The following CTNNA3 variants were observed in gnomAD, a reference collection of about 807,000 sequenced individuals.
The protein encoded by CTNNA3 is catenin alpha-3.
In CTNNA3, 76 loss-of-function variants were observed where a neutral mutation model predicts 95.7. That is an observed-to-expected ratio of 0.79 (90% CI 0.66 to 0.96). The LOEUF is 0.96. CTNNA3 is among the 40% of genes least tolerant of loss of function. CTNNA3 has a pLI of 0.00. For missense variants in CTNNA3, 1,191 were observed against 1,089.8 expected, an observed-to-expected ratio of 1.09 and a Z score of -1.31; for synonymous variants, 431 against 374.4, an observed-to-expected ratio of 1.15 and a Z score of -1.74.
chr10:66,436,082 G>A (rs573982333), intron 11 of CTNNA3, among the ~76,000 whole-genome samples: 1 of 152,208 alleles, frequency 6.6e-6, no homozygotes, highest in South Asian at 2.1e-4. Context: ...GCTGAGGAGT[G>A]TTTTACTTTC....
At chr10:66,170,071 G>A (rs1160812056) in intron 13 of CTNNA3, among the ~76,000 whole-genome samples, 1 of 151,834 alleles carries the variant, frequency 6.6e-6, no homozygotes, top group Non-Finnish European at 1.5e-5. Context: ...TTGTATTTGG[G>A]TTCTTGGTCA....
At chr10:67,727,870 T>G (rs1841248998) in intron 1 of CTNNA3, among the ~76,000 whole-genome samples, 1 of 131,684 alleles carries the variant, frequency 7.6e-6, no homozygotes, top group Non-Finnish European at 1.5e-5. Context: ...TTATGTATAA[T>G]ATAGTATATA....
chr10:65,968,110 C>T (rs1473742762), intron 16 of CTNNA3, among the ~76,000 whole-genome samples: 1 of 152,108 alleles, frequency 6.6e-6, no homozygotes, highest in Non-Finnish European at 1.5e-5. Flanking sequence ...ATGCTGAATG[C>T]CAGACGCAGT....
At chr10:66,103,059 A>C in intron 14 of CTNNA3, 98 bp downstream of exon 14, 1 of 909,148 alleles carries the variant, frequency 1.1e-6, no homozygotes, top group Non-Finnish European at 1.8e-6. Context: ...CTCCAGATCC[A>C]GGAGTCCCAC....
chr10:66,653,547 C>G (rs1398474706), intron 9 of CTNNA3, among the ~76,000 whole-genome samples: 1 of 151,898 alleles, frequency 6.6e-6, no homozygotes, highest in Non-Finnish European at 1.5e-5. Flanking sequence ...TCTACATATT[C>G]AATGTAATCT....
chr10:67,431,322 C>T (rs16924467), intron 5 of CTNNA3, among the ~76,000 whole-genome samples: 4,617 of 151,964 alleles, frequency 0.03, 225 homozygotes, highest in African/African-American at 0.1. Context: ...GGTCTTTGAC[C>T]GCAGACTTAA....
chr10:67,694,923 G>A (rs540304796), intron 1 of CTNNA3, among the ~76,000 whole-genome samples: 1 of 152,252 alleles, frequency 6.6e-6, no homozygotes, highest in African/African-American at 2.4e-5. Context: ...GGTAACAAAT[G>A]GGAATAACTT....
At chr10:66,081,579 T>G (rs929520728) in intron 14 of CTNNA3, among the ~76,000 whole-genome samples, 2 of 152,162 alleles carry the variant, frequency 1.3e-5, no homozygotes, top group Non-Finnish European at 2.9e-5. Context: ...TTAAACTCCA[T>G]AGACTACAAT....
chr10:66,677,360 C>T (rs1273212128), intron 9 of CTNNA3, among the ~76,000 whole-genome samples: 1 of 151,390 alleles, frequency 6.6e-6, no homozygotes, highest in Non-Finnish European at 1.5e-5. Flanking sequence ...AAAAATCATA[C>T]AAAAATGAAA....
rs549354940 is a variant in CTNNA3, at chr10:67,232,900, A to G, written c.580-13030T>C. 4.6e-5 allele frequency among the ~76,000 whole-genome samples: 7 copies of G among 152,242 alleles called. No homozygotes were observed. In the South Asian group the frequency reaches 1.5e-3, roughly 32 times the overall value. ...AACAGACTTTAAACCAACAAAGATC[A>G]AAAGAGACAAAGAAGGCCATTACAT... On this transcript the variant is annotated intron_variant, in intron 5 of 17. Coordinates refer to ENST00000433211, the MANE Select transcript of CTNNA3 (RefSeq NM_013266.4).
At chr10:67,738,543 C>T (rs1425601842) in intron 1 of CTNNA3, among the ~76,000 whole-genome samples, 1 of 152,138 alleles carries the variant, frequency 6.6e-6, no homozygotes, top group Non-Finnish European at 1.5e-5. Context: ...TCTCCTCCTC[C>T]AAACGAACGC....
chr10:67,091,828 C>G (rs1857663986), intron 7 of CTNNA3, among the ~76,000 whole-genome samples: 1 of 152,048 alleles, frequency 6.6e-6, no homozygotes, highest in South Asian at 2.1e-4. Context: ...TAAGTATTCC[C>G]TAGAACAAAA....
At chr10:66,720,379 T>C (rs147130067) in intron 9 of CTNNA3, among the ~76,000 whole-genome samples, 1 of 152,180 alleles carries the variant, frequency 6.6e-6, no homozygotes, top group South Asian at 2.1e-4. Context: ...TTTAGAAAGA[T>C]AAGGTCAACT....
At chr10:66,476,525 T>G (rs1439689369) in intron 11 of CTNNA3, among the ~76,000 whole-genome samples, 1 of 152,170 alleles carries the variant, frequency 6.6e-6, no homozygotes, top group Non-Finnish European at 1.5e-5. Flanking sequence ...TTGAGTTTTT[T>G]CTAAAATAGT....
intron 7 of CTNNA3, among the ~76,000 whole-genome samples, chr10:66,969,698 C>CTGA (rs1334136847): frequency 1.3e-5 from 2 of 152,104 alleles, no homozygotes; most frequent in Non-Finnish European, 2.9e-5. Flanking sequence ...TAGGTCAAAG[C>CTGA]TGATATACTT....
Position 66,063,194 on chromosome 10 carries a change from G to GTA in CTNNA3, c.2159+6112_2159+6113dup, listed in dbSNP as rs150710369. ...CTTTCCAGCCAATGACTGGATACAT[G>GTA]TATATATATATATATATATAGATAT... On this transcript the variant is annotated intron_variant, in intron 15 of 17. Transcript: ENST00000433211. 8.9e-3 allele frequency among the ~76,000 whole-genome samples: 1,072 copies of GTA among 119,816 alleles called. 13 individuals are homozygous for GTA. The highest frequency in any genetic ancestry group is 0.022 in the African/African-American group (646 of 30,016). 78.6% of individuals were successfully genotyped at this position (119,816 alleles called of 152,430 possible).
At chr10:66,593,943 C>G (rs369393770) in intron 10 of CTNNA3, among the ~76,000 whole-genome samples, 1 of 152,182 alleles carries the variant, frequency 6.6e-6, no homozygotes, top group East Asian at 1.9e-4. Context: ...TATATTATCC[C>G]TATCCCATCC....
intron 15 of CTNNA3, among the ~76,000 whole-genome samples, chr10:66,044,463 C>A (rs1472854886): frequency 6.6e-6 from 1 of 151,524 alleles, no homozygotes; most frequent in Non-Finnish European, 1.5e-5. Flanking sequence ...TCTGGCAATG[C>A]AGAATATAAT....
At chr10:66,828,964 T>C (rs958673332) in intron 7 of CTNNA3, among the ~76,000 whole-genome samples, 2 of 152,218 alleles carry the variant, frequency 1.3e-5, no homozygotes, top group East Asian at 3.8e-4. Context: ...TGTAATGCAA[T>C]ACACACAACC....
Sources: gnomAD v4.1 joint callset for allele counts (sites outside exome capture counted in the v4.1 genomes callset) on GRCh38, gnomAD v4.1.1 for gene constraint, MANE v1.5 for transcripts, NCBI Gene and HGNC (gene_info 2026-07-23, HGNC 2026-07-21) for gene names.